Variants in RANBP17 observed in about 807,000 individuals in gnomAD.
RANBP17 encodes RAN binding protein 17, also known as ran-binding protein 17.
A neutral mutation model predicts 141.2 loss-of-function variants in RANBP17; 158 were observed. The observed-to-expected ratio is 1.12, with a 90% CI of 0.98 to 1.28. The LOEUF is 1.28. Among genes scored for constraint, RANBP17 ranks in the 50% most tolerant of loss-of-function variants. The pLI is 0.00. For synonymous variants in RANBP17, 430 were observed against 450.0 expected (o/e 0.96, Z 0.56); for missense variants, 1,438 against 1,290.7 (o/e 1.11, Z -1.75).
chr5:171,109,178 A>G (rs192853024), intron 14 of RANBP17, among the ~76,000 whole-genome samples: 9 of 152,308 alleles, frequency 5.9e-5, no homozygotes, highest in Admixed American at 5.9e-4. Context: ...ACCTTAATCC[A>G]CTCGGCCACA....
chr5:171,016,235 AAAGT>A (rs1227759592), intron 14 of RANBP17, among the ~76,000 whole-genome samples: 1 of 134,716 alleles, frequency 7.4e-6, no homozygotes, highest in Non-Finnish European at 1.6e-5. Context: ...TCATATATTT[AAAGT>A]GTCTAGGTTT....
chr5:170,910,883 T>C (rs1307552763), intron 6 of RANBP17, 86 bp from the exon 7 acceptor site: 2 of 1,309,232 alleles, frequency 1.5e-6, no homozygotes, highest in Non-Finnish European at 2.1e-6. Flanking sequence ...AGTTTTCATT[T>C]GACATTGAAA....
chr5:171,274,664 A>T (rs1321515099), intron 25 of RANBP17, among the ~76,000 whole-genome samples: 3 of 152,198 alleles, frequency 2.0e-5, no homozygotes, highest in Non-Finnish European at 4.4e-5. Context: ...CTACATCCTG[A>T]TACTTGTCCC....
intron 11 of RANBP17, among the ~76,000 whole-genome samples, chr5:170,922,784 C>A (rs1040177637): frequency 6.6e-6 from 1 of 152,094 alleles, no homozygotes; most frequent in African/African-American, 2.4e-5. Flanking sequence ...CTGGGTGAGG[C>A]GACGCCCTGC....
At chr5:171,071,084 C>T (rs1187842158) in intron 14 of RANBP17, among the ~76,000 whole-genome samples, 1 of 152,034 alleles carries the variant, frequency 6.6e-6, no homozygotes, top group African/African-American at 2.4e-5. Context: ...TTACTGTTTG[C>T]CTTCCAAAAA....
intron 25 of RANBP17, among the ~76,000 whole-genome samples, chr5:171,274,459 C>A (rs964624243): frequency 6.6e-6 from 1 of 151,948 alleles, no homozygotes; most frequent in African/African-American, 2.4e-5. Flanking sequence ...TTAACCATAT[C>A]TTTGCTATTT....
At chr5:170,949,947 T>A (rs1775074099) in intron 12 of RANBP17, among the ~76,000 whole-genome samples, 1 of 152,034 alleles carries the variant, frequency 6.6e-6, no homozygotes, top group Admixed American at 6.6e-5. Context: ...AGTCGTATGT[T>A]TACAGCCAAT....
At chr5:170,920,511 C>T (rs375662568) in intron 11 of RANBP17, among the ~76,000 whole-genome samples, 1 of 144,792 alleles carries the variant, frequency 6.9e-6, no homozygotes, top group African/African-American at 2.6e-5. Flanking sequence ...TGTATATTTT[C>T]TTTTTTTTTT....
chr5:170,874,402 T>C (rs1561844782), intron 1 of RANBP17, among the ~76,000 whole-genome samples: 1 of 152,196 alleles, frequency 6.6e-6, no homozygotes, highest in African/African-American at 2.4e-5. Flanking sequence ...TTCTGTCTTG[T>C]TGATCTACCT....
At chr5:171,036,945 A>G (rs1781920269) in intron 14 of RANBP17, among the ~76,000 whole-genome samples, 1 of 151,972 alleles carries the variant, frequency 6.6e-6, no homozygotes, top group Admixed American at 6.6e-5. Flanking sequence ...TTTCTTTTGG[A>G]TATATGCCCA....
At chr5:171,286,468 C>G (rs1480999529) in intron 25 of RANBP17, among the ~76,000 whole-genome samples, 3 of 151,950 alleles carry the variant, frequency 2.0e-5, no homozygotes, top group Non-Finnish European at 4.4e-5. Context: ...TACAAAAACA[C>G]TATAAGCAGT....
At chr5:171,010,796 A>T (rs908564090) in intron 14 of RANBP17, among the ~76,000 whole-genome samples, 1 of 152,180 alleles carries the variant, frequency 6.6e-6, no homozygotes, top group Non-Finnish European at 1.5e-5. Flanking sequence ...AGTAAATTTG[A>T]CAACTTAGAG....
rs1426483665 is a variant in RANBP17 at position 171,287,530 on chromosome 5, A to G, written c.2944-6353A>G. Among the ~76,000 whole-genome samples, 11 of 149,928 alleles carry G rather than the reference A, an allele frequency of 7.3e-5. No homozygotes were observed. In the Middle Eastern group the frequency reaches 0.01, roughly 143 times the overall value. ...AATGATTAACAGATTAAGTTATCCTATTCTATGGTGCATACCCTATTGGGC... is the reference window on the plus strand; with the variant it reads ...AATGATTAACAGATTAAGTTATCCTGTTCTATGGTGCATACCCTATTGGGC... On this transcript the variant is annotated intron_variant, in intron 25 of 27. Coordinates refer to ENST00000523189, the MANE Select transcript of RANBP17 (RefSeq NM_022897.5).
chr5:170,920,056 C>T (rs1471781139), intron 11 of RANBP17, among the ~76,000 whole-genome samples: 1 of 152,078 alleles, frequency 6.6e-6, no homozygotes, highest in Non-Finnish European at 1.5e-5. Flanking sequence ...TTTACCAATT[C>T]ACCTGTTGCT....
chr5:171,046,619 C>T (rs191572130), intron 14 of RANBP17, among the ~76,000 whole-genome samples: 1 of 152,134 alleles, frequency 6.6e-6, no homozygotes, highest in African/African-American at 2.4e-5. Flanking sequence ...TTCAGTGCTA[C>T]AGTAAACATG....
chr5:171,062,998 C>T (rs558184680), intron 14 of RANBP17, among the ~76,000 whole-genome samples: 2,946 of 151,068 alleles, frequency 0.02, 89 homozygotes, highest in African/African-American at 0.068. Flanking sequence ...CGAGCCTTGG[C>T]TTTCAGCTCC....
At chr5:171,190,747 G>A (rs566307062) in intron 18 of RANBP17, among the ~76,000 whole-genome samples, 1 of 152,300 alleles carries the variant, frequency 6.6e-6, no homozygotes, top group Admixed American at 6.5e-5. Context: ...TTGAATGCAG[G>A]TGAATTTAGT....
chr5:171,030,952 A>G (rs1249842649), intron 14 of RANBP17, among the ~76,000 whole-genome samples: 1 of 151,988 alleles, frequency 6.6e-6, no homozygotes, highest in Non-Finnish European at 1.5e-5. Context: ...TTTTTTTCCT[A>G]CTTTTATCCT....
chr5:171,264,959 C>T (rs1196710691), intron 24 of RANBP17, among the ~76,000 whole-genome samples: 1 of 152,166 alleles, frequency 6.6e-6, no homozygotes, highest in Non-Finnish European at 1.5e-5. Context: ...AAATGTGATC[C>T]GTCCCTCAAA....
Sources: gnomAD v4.1 joint callset for allele counts (sites outside exome capture counted in the v4.1 genomes callset) on GRCh38, gnomAD v4.1.1 for gene constraint, MANE v1.5 for transcripts, NCBI Gene and HGNC (gene_info 2026-07-23, HGNC 2026-07-21) for gene names.